Variants in BLZF1 observed in about 807,000 individuals in gnomAD.
The protein encoded by BLZF1 is basic leucine zipper nuclear factor 1, also known as golgin-45.
A neutral mutation model predicts 43.8 loss-of-function variants in BLZF1; 39 were observed. That is an observed-to-expected ratio of 0.89 (90% CI 0.69 to 1.16). BLZF1 has a LOEUF of 1.16. Ranked by LOEUF, BLZF1 falls within the 50% of genes most tolerant of loss-of-function variation. BLZF1 has a pLI of 0.00. For synonymous variants in BLZF1, 136 were observed against 159.4 expected, an observed-to-expected ratio of 0.85 and a Z score of 1.11; for missense variants, 449 against 469.8, an observed-to-expected ratio of 0.96 and a Z score of 0.41.
chr1:169,374,123 T>G (rs903518811), intron 2 of BLZF1, among the ~76,000 whole-genome samples: 2 of 150,918 alleles, frequency 1.3e-5, no homozygotes, highest in Non-Finnish European at 2.9e-5. Flanking sequence ...CCAAGCACTT[T>G]GGGAGGCTGA....
downstream of BLZF1, among the ~76,000 whole-genome samples, chr1:169,389,360 A>T (rs1369494418): frequency 1.3e-5 from 2 of 152,196 alleles, no homozygotes; most frequent in African/African-American, 2.4e-5. Flanking sequence ...AAAAGGATAT[A>T]TAGATGGCCA....
downstream of BLZF1, among the ~76,000 whole-genome samples, chr1:169,389,089 T>A (rs1324783537): frequency 3.3e-5 from 5 of 151,356 alleles, no homozygotes; most frequent in Non-Finnish European, 5.9e-5. Flanking sequence ...GCCGCTGCAC[T>A]CCAGCCTGGG....
intron 6 of BLZF1, 133 bp from the exon 7 acceptor site, chr1:169,386,859 CAGATT>C: frequency 1.8e-6 from 1 of 566,478 alleles, no homozygotes; most frequent in African/African-American, 1.9e-5. Flanking sequence ...TCTTTTCAAT[CAGATT>C]AGTCATTCTG....
rs113492432 is a variant in BLZF1, at chr1:169,377,718, C to G, written c.469-612C>G. Among the ~76,000 whole-genome samples the G allele has an allele frequency of 2.0e-3, 307 of 152,084 alleles. 2 individuals carry two copies. The highest frequency in any genetic ancestry group is 7.0e-3 in the African/African-American group (291 of 41,538). On this transcript the variant is annotated intron_variant, in intron 3 of 6. Transcript: ENST00000367808. ...CATATACATTGAGTTCATTTAGTGT[C>G]ACAACCCACTTTTTTCAGTTATTAA...
At chr1:169,378,308 T>C (rs990111800) in intron 3 of BLZF1, 22 bp from the exon 4 acceptor site, 9 of 1,603,656 alleles carry the variant, frequency 5.6e-6, no homozygotes, top group Non-Finnish European at 7.7e-6. Context: ...GAGCTTGTTG[T>C]ATTGATTACG....
chr1:169,380,361 G>A, intron 4 of BLZF1, 120 bp from the exon 5 acceptor site: 1 of 829,768 alleles, frequency 1.2e-6, no homozygotes. Flanking sequence ...AAACTGTGAA[G>A]TAACTATACT....
chr1:169,372,313 C>A (rs1018457875), intron 2 of BLZF1, among the ~76,000 whole-genome samples: 111 of 151,860 alleles, frequency 7.3e-4, no homozygotes, highest in African/African-American at 2.6e-3. Context: ...CAGACTATAA[C>A]CAAGTTAGGA....
chr1:169,389,328 G>C (rs1654762056), downstream of BLZF1, among the ~76,000 whole-genome samples: 1 of 151,788 alleles, frequency 6.6e-6, no homozygotes, highest in Non-Finnish European at 1.5e-5. Context: ...ATTAGCAAAG[G>C]ACCTGAATAG....
chr1:169,393,432 A>T (rs6704178), intron 7 of BLZF1, among the ~76,000 whole-genome samples: 1 of 150,182 alleles, frequency 6.7e-6, no homozygotes, highest in Non-Finnish European at 1.5e-5. Flanking sequence ...TACTAAAAAT[A>T]AAAAAAAATT....
chr1:169,385,800 G>A (rs1026453384), intron 6 of BLZF1, among the ~76,000 whole-genome samples: 7 of 152,072 alleles, frequency 4.6e-5, no homozygotes, highest in Admixed American at 1.3e-4. Context: ...CTTTGGGTTT[G>A]GTGGTAACTT....
chr1:169,391,320 T>TTG (rs1384708314), downstream of BLZF1, among the ~76,000 whole-genome samples: 1 of 152,156 alleles, frequency 6.6e-6, no homozygotes, highest in Non-Finnish European at 1.5e-5. Flanking sequence ...ATTGTAAGGG[T>TTG]TGTGCACTTT....
At chr1:169,384,666 T>C (rs1654620445) in intron 6 of BLZF1, among the ~76,000 whole-genome samples, 1 of 152,180 alleles carries the variant, frequency 6.6e-6, no homozygotes, top group Non-Finnish European at 1.5e-5. Context: ...TTTTCTTGTC[T>C]GGACTACCCT....
chr1:169,369,699 T>G (rs1040871168), intron 2 of BLZF1, 149 bp downstream of exon 2: 1 of 592,038 alleles, frequency 1.7e-6, no homozygotes, highest in Non-Finnish European at 3.0e-6. Context: ...GTGCAGTGTT[T>G]ATATTTCAGT....
intron 1 of BLZF1, 153 bp downstream of exon 1, chr1:169,368,495 G>T (rs1653982674): frequency 6.6e-6 from 1 of 152,160 alleles, no homozygotes; most frequent in African/African-American, 2.4e-5. Flanking sequence ...GACTTCCCCG[G>T]ACAGCAAAGT....
In BLZF1 at chr1:169,380,338, A is replaced by G. The variant is rs912620951; in HGVS notation, c.669-143A>G. 17 of 665,552 alleles carry G rather than the reference A, an allele frequency of 2.6e-5. No individual in the cohort carries two copies. The South Asian group carries it at 5.9e-4, about 23-fold the overall frequency. 41.2% of individuals were successfully genotyped at this position (665,552 alleles called of 1,614,324 possible). A position where few individuals can be genotyped will look rare whatever the true frequency, so the allele number is the denominator to read the frequency against. ...CTAATAAGCATTTTTAATGCTCTTTAGCTAAAATTTAAAAACTGTGAAGTA... is the reference window on the plus strand; with the variant it reads ...CTAATAAGCATTTTTAATGCTCTTTGGCTAAAATTTAAAAACTGTGAAGTA... On this transcript the variant is annotated intron_variant, in intron 4 of 6. Transcript: ENST00000367808.
At chr1:169,375,481 G>GATT (rs1476564341) in intron 2 of BLZF1, among the ~76,000 whole-genome samples, 7 of 141,102 alleles carry the variant, frequency 5.0e-5, no homozygotes, top group Non-Finnish European at 1.1e-4. Context: ...AGTAGTTCAT[G>GATT]ATTGTCCTTA....
intron 6 of BLZF1, among the ~76,000 whole-genome samples, chr1:169,386,142 G>A (rs10919157): frequency 0.036 from 5,431 of 152,204 alleles, 141 homozygotes; most frequent in Middle Eastern, 0.082. Context: ...AAAAATCAGA[G>A]CAGAAGAAGA....
At chr1:169,379,133 G>C (rs747401900) in intron 4 of BLZF1, among the ~76,000 whole-genome samples, 44 of 151,928 alleles carry the variant, frequency 2.9e-4, no homozygotes, top group Middle Eastern at 3.4e-3. Context: ...ATAGTTACTA[G>C]ATAACAAGAT....
chr1:169,369,808 A>T (rs966315658), intron 2 of BLZF1, among the ~76,000 whole-genome samples: 1 of 151,160 alleles, frequency 6.6e-6, no homozygotes, highest in Non-Finnish European at 1.5e-5. Flanking sequence ...TAACAGCTAT[A>T]TTCCCTATAC....
Sources: gnomAD v4.1 joint callset for allele counts (sites outside exome capture counted in the v4.1 genomes callset) on GRCh38, gnomAD v4.1.1 for gene constraint, MANE v1.5 for transcripts, NCBI Gene and HGNC (gene_info 2026-07-23, HGNC 2026-07-21) for gene names.